DGCR2: variants seen among roughly 807,000 people sequenced by gnomAD.
DGCR2 encodes the protein integral membrane protein DGCR2/IDD.
In DGCR2, 24 loss-of-function variants were observed where a neutral mutation model predicts 51.6. The observed-to-expected ratio is 0.47, with a 90% CI of 0.34 to 0.65. The LOEUF is 0.65. DGCR2 is among the 30% of genes least tolerant of loss of function. DGCR2 has a pLI of 0.01. For synonymous variants in DGCR2, 340 were observed against 315.4 expected (o/e 1.08, Z -0.82); for missense variants, 765 against 772.1 (o/e 0.99, Z 0.11).
intron 5 of DGCR2, among the ~76,000 whole-genome samples, chr22:19,059,076 C>T (rs2082633002): frequency 6.6e-6 from 1 of 152,184 alleles, no homozygotes; most frequent in Admixed American, 6.5e-5. Context: ...CAGCCATGAA[C>T]AAGGCAGCCT....
At position 19,057,081 on chromosome 22, in the gene DGCR2, A is replaced by T; in HGVS notation, c.707T>A (p.Leu236His). 6.2e-7 allele frequency: 1 copy of T among 1,604,874 alleles called. No individual in the cohort carries two copies. The highest frequency in any genetic ancestry group is 8.5e-7 in the Non-Finnish European group (1 of 1,175,854). Reference protein sequence around the residue: ...SENDNVFCAQLQCFHFPTLRH... With the variant: ...SENDNVFCAQHQCFHFPTLRH... ...CAGGGTGGGGAAATGGAAGCACTGA[A>T]GCTGGGCACAGAACACGTTGTCGTT... The change falls in exon 6 of 10, where the codon CTT (leucine) becomes CAT (histidine). Residue 236 changes from leucine to histidine, a missense_variant. Leu to His is a moderately conservative substitution (Grantham distance 99). Coordinates refer to ENST00000263196, the MANE Select transcript of DGCR2 (RefSeq NM_005137.3). This position sits in a 1 kb window ranked among gnomAD's most constrained non-coding sequence, Gnocchi z 5.1.
intron 2 of DGCR2, among the ~76,000 whole-genome samples, chr22:19,070,733 G>C (rs1180136960): frequency 6.6e-6 from 1 of 152,344 alleles, no homozygotes; most frequent in South Asian, 2.1e-4. Flanking sequence ...CTGGGTTTAG[G>C]TGGCAATTGT....
At chr22:19,084,400 C>T (rs1258239036) in intron 2 of DGCR2, among the ~76,000 whole-genome samples, 7 of 150,896 alleles carry the variant, frequency 4.6e-5, no homozygotes, top group Non-Finnish European at 7.4e-5. Flanking sequence ...GGAGCGTCTC[C>T]GCCGGGCCAC....
chr22:19,074,205 G>A (rs569038476), intron 2 of DGCR2, among the ~76,000 whole-genome samples: 3 of 152,108 alleles, frequency 2.0e-5, no homozygotes, highest in South Asian at 4.2e-4. Context: ...GCAGGCGATC[G>A]CTTAAGGTCA....
chr22:19,041,964 G>T lies in DGCR2; in HGVS notation c.1007-5C>A, dbSNP rs773109019. 1 of 1,611,506 alleles carries T rather than the reference G, an allele frequency of 6.2e-7. No homozygotes were observed. The highest frequency in any genetic ancestry group is 8.5e-7 in the Non-Finnish European group (1 of 1,179,200). On this transcript the variant is annotated splice_polypyrimidine_tract_variant and splice_region_variant and intron_variant, in intron 7 of 9. Transcript: ENST00000263196. ...AGTCAAACAGACTGTTGCCATCTGAGGGGGAGGGGAGGAAATGGCCGCTCT... is the reference window on the plus strand; with the variant it reads ...AGTCAAACAGACTGTTGCCATCTGATGGGGAGGGGAGGAAATGGCCGCTCT...
intron 1 of DGCR2, among the ~76,000 whole-genome samples, chr22:19,097,165 T>C (rs532378812): frequency 3.6e-4 from 55 of 152,206 alleles, no homozygotes; most frequent in South Asian, 1.2e-3. Context: ...ACATCCACCT[T>C]GCCTTGCCTT....
intron 4 of DGCR2, among the ~76,000 whole-genome samples, chr22:19,064,393 G>A (rs2082723891): frequency 6.6e-6 from 1 of 152,228 alleles, no homozygotes; most frequent in Non-Finnish European, 1.5e-5. Context: ...ACTCTCACAG[G>A]GCATAACTGT....
chr22:19,063,075 G>T (rs1244896777), intron 5 of DGCR2, 127 bp downstream of exon 5: 8 of 731,174 alleles, frequency 1.1e-5, no homozygotes, highest in Non-Finnish European at 1.5e-5. Flanking sequence ...CTGCAACTGG[G>T]GCTCACCCAC....
In DGCR2 at chr22:19,057,026, G is replaced by T. The variant is rs372927803; in HGVS notation, c.762C>A (p.Ala254=). The change falls in exon 6 of 10, where the codon GCC becomes GCA. Residue 254 remains alanine, a synonymous_variant. Transcript: ENST00000263196. This position sits in a 1 kb window ranked among gnomAD's most constrained non-coding sequence, Gnocchi z 5.1. ...LRHHDLHSWH[A]ESCYEKSSFL... is the part of the protein sequence containing the mutation. ...ATGAAGACTTCTCGTAGCAGCTCTC[G>T]GCGTGCCAGCTGTGGAGGTCGTGGT... 38 of 1,594,704 alleles carry T rather than the reference G, an allele frequency of 2.4e-5. No individual in the cohort carries two copies. The highest frequency in any genetic ancestry group is 2.6e-5 in the Non-Finnish European group (31 of 1,170,568).
chr22:19,064,493 G>C (rs1007209018), intron 4 of DGCR2, among the ~76,000 whole-genome samples: 2 of 152,236 alleles, frequency 1.3e-5, no homozygotes, highest in East Asian at 3.9e-4. Flanking sequence ...CCTTGCACAA[G>C]GCCCACGAAG....
At chr22:19,094,915 T>C (rs996609165) in intron 1 of DGCR2, among the ~76,000 whole-genome samples, 1 of 151,962 alleles carries the variant, frequency 6.6e-6, no homozygotes, top group African/African-American at 2.4e-5. Flanking sequence ...AACATTTATA[T>C]AAAAATCTAA....
rs1216490933 is a variant in DGCR2, at chr22:19,091,246, C to T, written c.80-1756G>A. 3.9e-5 allele frequency among the ~76,000 whole-genome samples: 6 copies of T among 152,248 alleles called. 1 individual carries two copies. In the South Asian group the frequency reaches 8.3e-4, roughly 21 times the overall value. ...TTGGGACAAACGCCTATAGTCCCAG[C>T]TACTCGAGAGGCTGAGGTGGGAGGA... On this transcript the variant is annotated intron_variant, in intron 1 of 9. Coordinates refer to ENST00000263196, the MANE Select transcript of DGCR2 (RefSeq NM_005137.3).
intron 8 of DGCR2, 69 bp from the exon 9 acceptor site, chr22:19,041,363 C>T: frequency 6.7e-7 from 1 of 1,485,912 alleles, no homozygotes. Flanking sequence ...GGCTCCTGAG[C>T]CCCCCACCCC....
intron 1 of DGCR2, among the ~76,000 whole-genome samples, chr22:19,112,960 G>A (rs2083332539): frequency 1.4e-5 from 2 of 144,526 alleles, no homozygotes; most frequent in South Asian, 2.4e-4. Context: ...GTAAGACTAA[G>A]CAAATGAGTA....
At chr22:19,041,663 A>G (rs2082433067) in intron 8 of DGCR2, 144 bp downstream of exon 8, 10 of 984,530 alleles carry the variant, frequency 1.0e-5, no homozygotes, top group Non-Finnish European at 1.5e-5. Context: ...TTCCTGGCCC[A>G]CAGGTGAGGA....
At chr22:19,104,071 T>G (rs908691839) in intron 1 of DGCR2, among the ~76,000 whole-genome samples, 2 of 152,064 alleles carry the variant, frequency 1.3e-5, no homozygotes, top group African/African-American at 4.8e-5. Flanking sequence ...TACATCCCAT[T>G]AGCTGTCAGA....
intron 1 of DGCR2, among the ~76,000 whole-genome samples, chr22:19,120,968 C>G (rs1272887068): frequency 1.3e-5 from 2 of 152,196 alleles, no homozygotes; most frequent in Admixed American, 6.5e-5. Flanking sequence ...CTGAATCTGT[C>G]CAGGTTGAGC....
chr22:19,064,971 G>T lies in DGCR2; in HGVS notation c.425C>A (p.Ala142Glu), dbSNP rs375125396. The T allele has an allele frequency of 3.8e-5, 61 of 1,613,882 alleles. No individual in the cohort carries two copies. The highest frequency in any genetic ancestry group is 1.6e-4 in the Middle Eastern group (1 of 6,084). The change falls in exon 4 of 10, where the codon GCG (alanine) becomes GAG (glutamate). Residue 142 changes from alanine to glutamate, a missense_variant. Physicochemically the swap from Ala to Glu is moderately radical, Grantham distance 107. Transcript: ENST00000263196. Reference sequence around the variant, plus strand: ...GCCATTCAGGCGCTGGCAGGTCTGCGCGGCATCCCAGTAGTTCTCCCCGCT... The same window carrying T: ...GCCATTCAGGCGCTGGCAGGTCTGCTCGGCATCCCAGTAGTTCTCCCCGCT... ...YLSGENYWDAAQTCQRLNGSL... is the reference protein window; with the variant it reads ...YLSGENYWDAEQTCQRLNGSL...
intron 2 of DGCR2, among the ~76,000 whole-genome samples, chr22:19,086,336 G>A (rs532226627): frequency 4.9e-4 from 74 of 152,070 alleles, no homozygotes; most frequent in African/African-American, 1.7e-3. Context: ...AAAATTAGCC[G>A]GGTGTGGTAG....
Sources: allele counts gnomAD v4.1 joint callset (sites outside exome capture counted in the v4.1 genomes callset), GRCh38; gene constraint gnomAD v4.1.1; non-coding constraint Gnocchi (gnomAD v3.1); transcripts MANE v1.5; gene names NCBI Gene and HGNC (gene_info 2026-07-23, HGNC 2026-07-21).